Variants in IDE observed in about 807,000 individuals in gnomAD.
IDE encodes the protein insulin-degrading enzyme.
A neutral mutation model predicts 133.2 loss-of-function variants in IDE; 58 were observed. That is an observed-to-expected ratio of 0.44 (90% confidence interval 0.35 to 0.54). The LOEUF (loss-of-function observed/expected upper bound fraction) is 0.54. Among genes scored for constraint, IDE ranks in the 20% least tolerant of loss-of-function variants. IDE has a pLI of 0.00. For synonymous variants in IDE, 396 were observed against 421.3 expected, an observed-to-expected ratio of 0.94 and a Z score of 0.73; for missense variants, 981 against 1,234.0, an observed-to-expected ratio of 0.79 and a Z score of 3.07.
At chr10:92,563,792 C>CT (rs1331138139) in intron 1 of IDE, among the ~76,000 whole-genome samples, 3 of 151,820 alleles carry the variant, frequency 2.0e-5, no homozygotes, top group African/African-American at 7.3e-5. Context: ...AAAAGCAAAT[C>CT]TTTAAGTTCA....
rs114412363 is a variant in IDE, at chr10:92,512,354, C to T, written c.785-2192G>A. Among the ~76,000 whole-genome samples the T allele has an allele frequency of 2.2e-3, 332 of 152,256 alleles. 1 individual carries two copies. The highest frequency in any genetic ancestry group is 7.7e-3 in the African/African-American group (320 of 41,554). ...GTAAAGACATCTCTCTCTGGTTCAG[C>T]ACAGGAAGTCAGTCACAATGGGAGA... On this transcript the variant is annotated intron_variant, in intron 5 of 24. Transcript: ENST00000265986.
intron 11 of IDE, among the ~76,000 whole-genome samples, chr10:92,492,972 A>G (rs1465222575): frequency 6.6e-6 from 1 of 152,210 alleles, no homozygotes; most frequent in Non-Finnish European, 1.5e-5. Context: ...TTCCAGCTGT[A>G]GGTGTTCCTG....
At chr10:92,466,230 C>CAAAA (rs59698259) in intron 19 of IDE, among the ~76,000 whole-genome samples, 1 of 69,998 alleles carries the variant, frequency 1.4e-5, no homozygotes, top group African/African-American at 6.5e-5. Flanking sequence ...GACCCTGTCT[C>CAAAA]AAAAAAAAAA....
chr10:92,542,309 C>T (rs1022834290), intron 1 of IDE, among the ~76,000 whole-genome samples: 1 of 152,218 alleles, frequency 6.6e-6, no homozygotes, highest in Non-Finnish European at 1.5e-5. Flanking sequence ...CACTCACCAC[C>T]GTACCCAGCT....
intron 12 of IDE, 152 bp from the exon 13 acceptor site, chr10:92,487,470 T>A: frequency 2.8e-6 from 2 of 701,922 alleles, no homozygotes; most frequent in Non-Finnish European, 4.5e-6. Context: ...ACCAAATCTA[T>A]CGATGGGTTT....
rs201313778 is a variant in IDE, at chr10:92,525,994, A to G, written c.661+5754T>C. ...CAACATGCGAAACTTCATCTCCACTAAAAATACAAAAATCAGCTGGGCGTT... is the reference window on the plus strand; with the variant it reads ...CAACATGCGAAACTTCATCTCCACTGAAAATACAAAAATCAGCTGGGCGTT... On this transcript the variant is annotated intron_variant, in intron 4 of 24. Transcript: ENST00000265986. Among the ~76,000 whole-genome samples, 8 of 151,888 alleles carry G rather than the reference A, an allele frequency of 5.3e-5. No homozygotes were observed. The East Asian group carries it at 1.5e-3, about 29-fold the overall frequency.
At chr10:92,497,622 G>A in intron 11 of IDE, 1 of 439,832 alleles carries the variant, frequency 2.3e-6, no homozygotes, top group Non-Finnish European at 3.0e-6. Context: ...TTCCCTACCT[G>A]GTTGCAATGT....
At chr10:92,524,324 ATTATT>A (rs1564647204) in intron 4 of IDE, among the ~76,000 whole-genome samples, 1 of 66,300 alleles carries the variant, frequency 1.5e-5, no homozygotes, top group Non-Finnish European at 2.7e-5. Context: ...TATATAATAT[ATTATT>A]ATATATATTA....
At chr10:92,455,771 A>G (rs1844975061) in intron 23 of IDE, 128 bp from the exon 24 acceptor site, 2 of 610,638 alleles carry the variant, frequency 3.3e-6, no homozygotes, top group Admixed American at 2.9e-5. Flanking sequence ...TACTTCTCAG[A>G]TCCTCTAAAG....
At chr10:92,554,537 C>T (rs921613460) in intron 1 of IDE, among the ~76,000 whole-genome samples, 10 of 101,800 alleles carry the variant, frequency 9.8e-5, no homozygotes, top group African/African-American at 3.7e-4. Context: ...AAGAATGCAA[C>T]AGTGTCTTAA....
chr10:92,461,512 C>T (rs1029389063), intron 21 of IDE, among the ~76,000 whole-genome samples: 8 of 151,770 alleles, frequency 5.3e-5, no homozygotes, highest in African/African-American at 9.7e-5. Flanking sequence ...CAAGCCAACA[C>T]GTCTGGGTAA....
At chr10:92,522,300 A>G (rs1409149938) in intron 4 of IDE, among the ~76,000 whole-genome samples, 1 of 151,992 alleles carries the variant, frequency 6.6e-6, no homozygotes, top group Non-Finnish European at 1.5e-5. Flanking sequence ...AACTATCCTA[A>G]CTCATGTTCT....
intron 1 of IDE, among the ~76,000 whole-genome samples, chr10:92,549,018 G>C (rs1384470459): frequency 1.3e-5 from 2 of 152,188 alleles, no homozygotes; most frequent in African/African-American, 4.8e-5. Context: ...AGCACTTTGG[G>C]AGGCTGAGGC....
At chr10:92,563,106 C>T (rs1309266263) in intron 1 of IDE, among the ~76,000 whole-genome samples, 2 of 152,172 alleles carry the variant, frequency 1.3e-5, no homozygotes, top group Admixed American at 1.3e-4. Context: ...CAAAAATTAG[C>T]CGGGCGTGGT....
chr10:92,501,694 G>C (rs1848025054), intron 11 of IDE, among the ~76,000 whole-genome samples: 1 of 148,528 alleles, frequency 6.7e-6, no homozygotes, highest in Non-Finnish European at 1.5e-5. Flanking sequence ...AAGAAAAAAG[G>C]CCGGGAACGG....
chr10:92,514,799 T>C, intron 5 of IDE, 121 bp downstream of exon 5: 1 of 741,448 alleles, frequency 1.3e-6, no homozygotes, highest in South Asian at 2.6e-5. Flanking sequence ...AAGTAGATCA[T>C]TTTCAAAAGA....
intron 17 of IDE, among the ~76,000 whole-genome samples, chr10:92,471,294 C>A (rs1248564401): frequency 6.6e-6 from 1 of 152,092 alleles, no homozygotes; most frequent in African/African-American, 2.4e-5. Flanking sequence ...CCAATGGATG[C>A]TAAAATCAGT....
At chr10:92,551,307 T>C (rs1384719717) in intron 1 of IDE, among the ~76,000 whole-genome samples, 4 of 152,184 alleles carry the variant, frequency 2.6e-5, no homozygotes, top group African/African-American at 7.2e-5. Context: ...CAGTGGCTCA[T>C]GCCTGCAATC....
intron 1 of IDE, among the ~76,000 whole-genome samples, chr10:92,545,063 A>C (rs1161382366): frequency 6.6e-6 from 1 of 152,228 alleles, no homozygotes; most frequent in Non-Finnish European, 1.5e-5. Flanking sequence ...TTTTAAAGTC[A>C]GCAAACTGGA....
Sources: allele counts gnomAD v4.1 joint callset (sites outside exome capture counted in the v4.1 genomes callset), GRCh38; gene constraint gnomAD v4.1.1; transcripts MANE v1.5; gene names NCBI Gene and HGNC (gene_info 2026-07-23, HGNC 2026-07-21).